The following SLC41A2 variants were observed in gnomAD, a reference collection of about 807,000 sequenced individuals.
SLC41A2 encodes the protein SLC41A1-like 1.
In SLC41A2, 32 loss-of-function variants were observed where a neutral mutation model predicts 58.3. That is an observed-to-expected ratio of 0.55 (90% CI 0.41 to 0.74). SLC41A2 has a LOEUF of 0.74. Among genes scored for constraint, SLC41A2 ranks in the 30% least tolerant of loss-of-function variants. The probability of loss-of-function intolerance (pLI) is 0.00; values close to 1 mark genes in which losing one functional copy is unlikely to be tolerated. For synonymous variants in SLC41A2, 190 were observed against 235.0 expected, an observed-to-expected ratio of 0.81 and a Z score of 1.75; for missense variants, 514 against 680.6, an observed-to-expected ratio of 0.76 and a Z score of 2.72.
At chr12:104,933,057 T>C (rs1193075246) in intron 1 of SLC41A2, among the ~76,000 whole-genome samples, 11 of 152,080 alleles carry the variant, frequency 7.2e-5, no homozygotes, top group Admixed American at 7.2e-4. Context: ...ATGAAAAAGC[T>C]TCTGCAGAGC....
intron 1 of SLC41A2, among the ~76,000 whole-genome samples, chr12:104,943,977 T>C (rs1952036858): frequency 6.6e-6 from 1 of 152,174 alleles, no homozygotes; most frequent in Admixed American, 6.5e-5. Flanking sequence ...CAGCAACGGC[T>C]ACCCTTTTTG....
chr12:104,893,631 T>A (rs1408154597), intron 4 of SLC41A2, among the ~76,000 whole-genome samples: 2 of 152,150 alleles, frequency 1.3e-5, no homozygotes, highest in Non-Finnish European at 2.9e-5. Flanking sequence ...GATGAATGGA[T>A]AAAGAAAATG....
At chr12:104,831,257 A>T (rs893147697) in intron 10 of SLC41A2, among the ~76,000 whole-genome samples, 3 of 152,036 alleles carry the variant, frequency 2.0e-5, no homozygotes, top group Admixed American at 2.0e-4. Flanking sequence ...CTCTCTCTGT[A>T]GAGACTGGGT....
intron 1 of SLC41A2, among the ~76,000 whole-genome samples, chr12:104,930,029 C>G (rs557604255): frequency 6.6e-6 from 1 of 152,198 alleles, no homozygotes; most frequent in Non-Finnish European, 1.5e-5. Flanking sequence ...TTTCCTCTCT[C>G]TTGTGATTAC....
chr12:104,943,270 C>A (rs1388728289), intron 1 of SLC41A2, among the ~76,000 whole-genome samples: 1 of 152,114 alleles, frequency 6.6e-6, no homozygotes, highest in Non-Finnish European at 1.5e-5. Context: ...AATCTGGAAT[C>A]ATCACCGAGA....
intron 2 of SLC41A2, among the ~76,000 whole-genome samples, chr12:104,926,920 T>TA (rs199955785): frequency 6.6e-6 from 1 of 151,394 alleles, no homozygotes; most frequent in Non-Finnish European, 1.5e-5. Context: ...ACCTTGTCTC[T>TA]AAAAAAAAAT....
rs577254148 is a variant in SLC41A2 at position 104,944,003 on chromosome 12, T to G, written c.-168+14085A>C. Among the ~76,000 whole-genome samples the G allele has an allele frequency of 2.6e-5, 4 of 152,130 alleles. No individual in the cohort carries two copies. In the East Asian group the frequency reaches 7.7e-4, roughly 29 times the overall value. On this transcript the variant is annotated intron_variant, in intron 1 of 10. Coordinates refer to ENST00000258538, the MANE Select transcript of SLC41A2 (RefSeq NM_001352171.3). ...ACCCTTTTTGGGTCCCCTCCCTTTG[T>G]ATGGGAGCTCTGTTTTCGCTCTATT...
In SLC41A2 at chr12:104,934,005, G is replaced by C. The variant is rs1173882546; in HGVS notation, c.-167-5311C>G. 2.0e-5 allele frequency among the ~76,000 whole-genome samples: 3 copies of C among 151,642 alleles called. No individual in the cohort carries two copies. The East Asian group carries it at 5.8e-4, about 29-fold the overall frequency. On this transcript the variant is annotated intron_variant, in intron 1 of 10. Transcript: ENST00000258538. ...CTTGGGTGATGGGTGCGCTATCCCA[G>C]ACTTCACCACTATACAATTCATCCA...
At chr12:104,950,198 T>TTG (rs2047898947) in intron 1 of SLC41A2, among the ~76,000 whole-genome samples, 1 of 152,182 alleles carries the variant, frequency 6.6e-6, no homozygotes, top group Non-Finnish European at 1.5e-5. Flanking sequence ...TATGCTCTGG[T>TTG]TGTGTCCCCA....
chr12:104,849,022 C>T (rs1185039563), intron 8 of SLC41A2, among the ~76,000 whole-genome samples: 1 of 151,986 alleles, frequency 6.6e-6, no homozygotes, highest in Middle Eastern at 3.2e-3. Context: ...TGCCAAAAAC[C>T]TATGCAATTT....
chr12:104,862,060 T>G (rs1399385370), intron 7 of SLC41A2, among the ~76,000 whole-genome samples: 1 of 152,220 alleles, frequency 6.6e-6, no homozygotes, highest in East Asian at 1.9e-4. Flanking sequence ...CATCAGTTTC[T>G]GGGTCTGTGT....
chr12:104,901,030 CAATT>C (rs1029903592), intron 3 of SLC41A2, among the ~76,000 whole-genome samples: 2 of 152,064 alleles, frequency 1.3e-5, no homozygotes, highest in African/African-American at 4.8e-5. Flanking sequence ...AATATTTTTG[CAATT>C]AATGAATGAG....
intron 1 of SLC41A2, among the ~76,000 whole-genome samples, chr12:104,930,185 G>A (rs1266114333): frequency 6.6e-6 from 1 of 152,208 alleles, no homozygotes; most frequent in Non-Finnish European, 1.5e-5. Context: ...TGATTATGGT[G>A]CAGACTTCCT....
At chr12:104,859,458 T>A (rs982139211) in intron 8 of SLC41A2, among the ~76,000 whole-genome samples, 1 of 152,128 alleles carries the variant, frequency 6.6e-6, no homozygotes, top group African/African-American at 2.4e-5. Flanking sequence ...AATAAATGAT[T>A]GAGCAAGTGA....
Position 104,805,346 on chromosome 12 carries a change from GAAC to G in SLC41A2, c.1537-12_1537-10del, listed in dbSNP as rs1324707148. ...CACAGCAAGGTAAATACCTAGAAGAGAACAACAGAGATTACTCCGGCTGCCTGG... is the reference window on the plus strand; with the variant it reads ...CACAGCAAGGTAAATACCTAGAAGAGAACAGAGATTACTCCGGCTGCCTGG... On this transcript the variant is annotated splice_polypyrimidine_tract_variant and intron_variant, in intron 10 of 10. Transcript: ENST00000258538. The G allele has an allele frequency of 6.2e-7, 1 of 1,607,772 alleles. No individual in the cohort carries two copies. Among genetic ancestry groups the G allele is most frequent in the South Asian group, 1.1e-5 (1 of 89,894 alleles).
At chr12:104,821,251 T>C (rs2041625190) in intron 10 of SLC41A2, among the ~76,000 whole-genome samples, 1 of 152,148 alleles carries the variant, frequency 6.6e-6, no homozygotes, top group Admixed American at 6.5e-5. Context: ...ATGTATTTTA[T>C]TGCATGCATT....
rs150289339 is a variant in SLC41A2, at chr12:104,956,679, CAAAT to C, written c.-168+1405_-168+1408del. ...GGGTGACAGACTGAGAGTCAGTCTC[CAAAT>C]AAATAAATAAATAAATAAATAAAAA... On this transcript the variant is annotated intron_variant, in intron 1 of 10. Transcript: ENST00000258538. Among the ~76,000 whole-genome samples the C allele has an allele frequency of 5.4e-3, 819 of 151,050 alleles. 19 individuals carry two copies. The East Asian group carries it at 0.091, about 17-fold the overall frequency.
At chr12:104,824,893 G>GA (rs763113319) in intron 10 of SLC41A2, among the ~76,000 whole-genome samples, 56 of 152,266 alleles carry the variant, frequency 3.7e-4, no homozygotes, top group Non-Finnish European at 6.8e-4. Flanking sequence ...AGGTGTGAGT[G>GA]AATGTGAAAC....
At chr12:104,853,925 T>TTTTTTTTTTTTTA (rs2042915763) in intron 8 of SLC41A2, among the ~76,000 whole-genome samples, 4 of 136,880 alleles carry the variant, frequency 2.9e-5, no homozygotes, top group Admixed American at 2.3e-4. Context: ...TTTTTTTTTT[T>TTTTTTTTTTTTTA]TTTTTTTTTT....
Sources: gnomAD v4.1 joint callset for allele counts (sites outside exome capture counted in the v4.1 genomes callset) on GRCh38, gnomAD v4.1.1 for gene constraint, MANE v1.5 for transcripts, NCBI Gene and HGNC (gene_info 2026-07-23, HGNC 2026-07-21) for gene names.